ZDHHC3: variants seen among roughly 807,000 people sequenced by gnomAD.
The protein encoded by ZDHHC3 is palmitoyltransferase ZDHHC3.
A neutral mutation model predicts 30.6 loss-of-function variants in ZDHHC3; 9 were observed. That is an observed-to-expected ratio of 0.29 (90% CI 0.18 to 0.51). The LOEUF (loss-of-function observed/expected upper bound fraction) is 0.51, where lower values mean the gene tolerates loss of function less well. Ranked by LOEUF, ZDHHC3 falls within the 20% of genes least tolerant of loss-of-function variation. ZDHHC3 has a pLI of 0.97. For synonymous variants in ZDHHC3, 136 were observed against 140.2 expected (o/e 0.97, Z 0.21); for missense variants, 246 against 384.2 (o/e 0.64, Z 3.01).
At chr3:44,933,437 C>T in intron 4 of ZDHHC3, 2 of 590,698 alleles carry the variant, frequency 3.4e-6, no homozygotes, top group East Asian at 2.8e-5. Context: ...GCAAGCCCGT[C>T]ACCAGGCATG....
rs72863174 is a variant in ZDHHC3, at chr3:44,923,954, A to T, written c.*2735T>A. On this transcript the variant is annotated 3_prime_UTR_variant, in exon 7 of 7. Transcript: ENST00000424952. ...TAGATTATAGATTTGCTTGGATCTA[A>T]GCCTTTTGCATATTCAGTCTAGTTG... 0.064 allele frequency: 63,013 copies of T among 985,430 alleles called. 2,140 individuals are homozygous for T. The highest frequency in any genetic ancestry group is 0.086 in the Middle Eastern group (164 of 1,914). The allele number at this position is 985,430 out of a possible 1,614,324, so 61.0% of individuals were successfully genotyped here.
intron 1 of ZDHHC3, among the ~76,000 whole-genome samples, chr3:44,968,058 G>A (rs1461988780): frequency 1.2e-4 from 19 of 152,198 alleles, no homozygotes; most frequent in African/African-American, 1.7e-4. Context: ...ATTGAGTGAG[G>A]TGGTGGTGGA....
In ZDHHC3 at chr3:44,926,524, G is replaced by T; in HGVS notation, c.*165C>A. The stretch of plus-strand genomic sequence containing the variant: ...ATGGTTTTTAAAAAATAAAATGTGG[G>T]GACTTTTTTTTTTCTCTGCAATGCT... On this transcript the variant is annotated 3_prime_UTR_variant, in exon 7 of 7. Coordinates refer to ENST00000424952, the MANE Select transcript of ZDHHC3 (RefSeq NM_001135179.2). The T allele has an allele frequency of 7.9e-7, 1 of 1,272,242 alleles. No homozygotes were observed. Among genetic ancestry groups the T allele is most frequent in the South Asian group, 3.3e-5 (1 of 30,238 alleles). 78.8% of individuals were successfully genotyped at this position (1,272,242 alleles called of 1,614,324 possible). A position where few individuals can be genotyped will look rare whatever the true frequency, so the allele number is the denominator to read the frequency against.
In ZDHHC3 at chr3:44,929,450, A is replaced by G; in HGVS notation, c.611-14T>C. 1 of 1,613,618 alleles carries G rather than the reference A, an allele frequency of 6.2e-7. No homozygotes were observed. Among genetic ancestry groups the G allele is most frequent in the South Asian group, 1.1e-5 (1 of 90,932 alleles). On this transcript the variant is annotated splice_polypyrimidine_tract_variant and intron_variant, in intron 5 of 6. Transcript: ENST00000424952. ...AGGAGCTGCACTCTGAAAGAGAAGC[A>G]GCACACAGGGATTGGTACTGTCACC...
rs1472976433 is a variant in ZDHHC3, at chr3:44,923,421, T to C, written c.*3268A>G. 2 of 985,256 alleles carry C rather than the reference T, an allele frequency of 2.0e-6. No homozygotes were observed. Among genetic ancestry groups the C allele is most frequent in the African/African-American group, 3.5e-5 (2 of 57,220 alleles). The allele number at this position is 985,256 out of a possible 1,614,324, so 61.0% of individuals were successfully genotyped here. On this transcript the variant is annotated 3_prime_UTR_variant, in exon 7 of 7. Transcript: ENST00000424952. Reference sequence around the variant, plus strand: ...AAAATGTTTGTTAATTTACCTCACCTAAACGGTTTCTGCATTAGGGGACGG... The same window carrying C: ...AAAATGTTTGTTAATTTACCTCACCCAAACGGTTTCTGCATTAGGGGACGG...
Position 44,923,102 on chromosome 3 carries a change from G to A in ZDHHC3, c.*3587C>T. 2 of 974,594 alleles carry A rather than the reference G, an allele frequency of 2.1e-6. No individual in the cohort carries two copies. Among genetic ancestry groups the A allele is most frequent in the Non-Finnish European group, 2.4e-6 (2 of 824,326 alleles). The allele number at this position is 974,594 out of a possible 1,614,324, so 60.4% of individuals were successfully genotyped here. ...GTTTGTTTTTTTTTTTTGAGACGGA[G>A]TCTCACTCTGTCGCCCAGGCTGGAG... On this transcript the variant is annotated 3_prime_UTR_variant, in exon 7 of 7. Transcript: ENST00000424952.
chr3:44,961,412 C>A (rs1704470467), intron 1 of ZDHHC3, among the ~76,000 whole-genome samples: 1 of 152,096 alleles, frequency 6.6e-6, no homozygotes, highest in Admixed American at 6.6e-5. Context: ...AATAAATAAC[C>A]ATTTCAAGTA....
chr3:44,974,989 C>T (rs1391622767), intron 1 of ZDHHC3, among the ~76,000 whole-genome samples: 1 of 151,922 alleles, frequency 6.6e-6, no homozygotes, highest in Admixed American at 6.6e-5. Context: ...AGCACAAAGC[C>T]TATCTATAGT....
Position 44,959,938 on chromosome 3 carries a change from T to A in ZDHHC3, c.-24-478A>T, listed in dbSNP as rs1170010199. Among the ~76,000 whole-genome samples, 1 of 152,124 alleles carries A rather than the reference T, an allele frequency of 6.6e-6. No homozygotes were observed. Among genetic ancestry groups the A allele is most frequent in the African/African-American group, 2.4e-5 (1 of 41,418 alleles). ...CACCACACCTGGCTAATTTTTATAT[T>A]TTTTTGTAGAGATGGGGTTTTGCCA... On this transcript the variant is annotated intron_variant, in intron 1 of 6. Transcript: ENST00000424952. The surrounding 1 kb of genome is among the most constrained non-coding windows in gnomAD (Gnocchi z 4.3).
At chr3:44,933,831 G>A (rs1265657196) in intron 4 of ZDHHC3, 57 bp downstream of exon 4, 2 of 1,493,460 alleles carry the variant, frequency 1.3e-6, no homozygotes, top group Middle Eastern at 1.7e-4. Flanking sequence ...ATTTTCAAAG[G>A]AACAAAGTGC....
chr3:44,932,813 C>T (rs143388193), intron 5 of ZDHHC3: 50 of 1,148,148 alleles, frequency 4.4e-5, no homozygotes, highest in East Asian at 9.4e-5. Context: ...ATGGCTCCCA[C>T]GCATTGGAAC....
At chr3:44,953,334 A>G (rs990171417) in intron 2 of ZDHHC3, among the ~76,000 whole-genome samples, 15 of 152,240 alleles carry the variant, frequency 9.9e-5, no homozygotes, top group Non-Finnish European at 2.9e-5. Context: ...CTGATGTCAC[A>G]ACATCATTCT....
At position 44,959,440 on chromosome 3, in the gene ZDHHC3, C is replaced by T. The variant is rs1240038631; in HGVS notation, c.-4G>A. The T allele has an allele frequency of 6.2e-7, 1 of 1,611,312 alleles. No homozygotes were observed. Among genetic ancestry groups the T allele is most frequent in the East Asian group, 2.2e-5 (1 of 44,800 alleles). On this transcript the variant is annotated 5_prime_UTR_variant, in exon 2 of 7. An upstream open reading frame in the 5' UTR loses its in-frame stop. Coordinates refer to ENST00000424952, the MANE Select transcript of ZDHHC3 (RefSeq NM_001135179.2). This position sits in a 1 kb window ranked among gnomAD's most constrained non-coding sequence, Gnocchi z 4.3. ...GGTGGGTGGGGATAAGCATCATAAG[C>T]TATTCTGTCCATACTGGCATCTGAA...
intron 3 of ZDHHC3, among the ~76,000 whole-genome samples, chr3:44,942,705 A>G (rs553882364): frequency 6.6e-6 from 1 of 152,356 alleles, no homozygotes; most frequent in Non-Finnish European, 1.5e-5. Context: ...TAGGTGACTC[A>G]CAGTTACTCA....
rs1006672101 is a variant in ZDHHC3 at position 44,917,167 on chromosome 3, T to A, written c.*9522A>T. The A allele has an allele frequency of 4.6e-5, 7 of 152,660 alleles. 1 individual carries two copies. The East Asian group carries it at 7.8e-4, about 17-fold the overall frequency. The allele number at this position is 152,660 out of a possible 1,614,324, so 9.5% of individuals were successfully genotyped here. ...GTCTCGCTCAGTGAAGACTCCAGTG[T>A]CTGTGGAATGGGGGCTCATTTTCGG... On this transcript the variant is annotated 3_prime_UTR_variant, in exon 7 of 7. Coordinates refer to ENST00000424952, the MANE Select transcript of ZDHHC3 (RefSeq NM_001135179.2).
intron 2 of ZDHHC3, among the ~76,000 whole-genome samples, chr3:44,953,675 C>T (rs1703670569): frequency 6.6e-6 from 1 of 152,198 alleles, no homozygotes; most frequent in Admixed American, 6.5e-5. Flanking sequence ...GTCTCCTCCA[C>T]AGAAAAGTAA....
In ZDHHC3 at chr3:44,923,378, A is replaced by G; in HGVS notation, c.*3311T>C. The G allele has an allele frequency of 2.0e-6, 2 of 985,382 alleles. No homozygotes were observed. The highest frequency in any genetic ancestry group is 2.4e-6 in the Non-Finnish European group (2 of 829,922). The allele number at this position is 985,382 out of a possible 1,614,324, so 61.0% of individuals were successfully genotyped here. A position where few individuals can be genotyped will look rare whatever the true frequency, so the allele number is the denominator to read the frequency against. On this transcript the variant is annotated 3_prime_UTR_variant, in exon 7 of 7. Coordinates refer to ENST00000424952, the MANE Select transcript of ZDHHC3 (RefSeq NM_001135179.2). ...GGCGTGAGGGATGTCCACAGTGAGA[A>G]GTGTCCGCGCCCGGCTTAAAATGTT...
intron 1 of ZDHHC3, among the ~76,000 whole-genome samples, chr3:44,969,286 C>A (rs1375338623): frequency 6.6e-6 from 1 of 152,010 alleles, no homozygotes; most frequent in Non-Finnish European, 1.5e-5. Flanking sequence ...TTTCCTGACC[C>A]TCACTTAAGG....
rs965604492 is a variant in ZDHHC3 at position 44,920,775 on chromosome 3, C to T, written c.*5914G>A. 2 of 985,430 alleles carry T rather than the reference C, an allele frequency of 2.0e-6. No individual in the cohort carries two copies. Among genetic ancestry groups the T allele is most frequent in the African/African-American group, 1.7e-5 (1 of 57,356 alleles). 61.0% of individuals were successfully genotyped at this position (985,430 alleles called of 1,614,324 possible). A position where few individuals can be genotyped will look rare whatever the true frequency, so the allele number is the denominator to read the frequency against. On this transcript the variant is annotated 3_prime_UTR_variant, in exon 7 of 7. Coordinates refer to ENST00000424952, the MANE Select transcript of ZDHHC3 (RefSeq NM_001135179.2). The stretch of plus-strand genomic sequence containing the variant: ...CCCAGATAGGCACTCTTGGATTATA[C>T]TCAACCTCCTCACCAACCTCATAAA...
Sources: allele counts gnomAD v4.1 joint callset (sites outside exome capture counted in the v4.1 genomes callset), GRCh38; gene constraint gnomAD v4.1.1; non-coding constraint Gnocchi (gnomAD v3.1); transcripts MANE v1.5; gene names NCBI Gene and HGNC (gene_info 2026-07-23, HGNC 2026-07-21).